Variants in TFEB observed in about 807,000 individuals in gnomAD.
TFEB encodes the protein transcription factor EB, also known as T-cell transcription factor EB.
A neutral mutation model predicts 48.0 loss-of-function variants in TFEB; 12 were observed. The observed-to-expected ratio is 0.25, with a 90% CI of 0.16 to 0.40. The LOEUF is 0.40. Ranked by LOEUF, TFEB falls within the 10% of genes least tolerant of loss-of-function variation. The pLI is 1.00. For synonymous variants in TFEB, 244 were observed against 261.4 expected (o/e 0.93, Z 0.64); for missense variants, 509 against 640.3 (o/e 0.79, Z 2.21).
chr6:41,713,892 C>T (rs1457121929), intron 1 of TFEB, among the ~76,000 whole-genome samples: 2 of 152,184 alleles, frequency 1.3e-5, no homozygotes, highest in African/African-American at 2.4e-5. Context: ...ACTGTGGCAG[C>T]CCAGCCCAGT....
chr6:41,697,788 T>C (rs1311023800), intron 1 of TFEB, among the ~76,000 whole-genome samples: 2 of 152,228 alleles, frequency 1.3e-5, no homozygotes, highest in Non-Finnish European at 2.9e-5. Context: ...TCCCTCCTGA[T>C]GGACTGCTAT....
chr6:41,687,264 G>T, intron 6 of TFEB, 95 bp from the exon 7 acceptor site: 1 of 1,109,022 alleles, frequency 9.0e-7, no homozygotes, highest in Non-Finnish European at 1.4e-6. Flanking sequence ...GTGCTTCAGG[G>T]CAGCCTGCAG....
chr6:41,726,010 G>A (rs1031828858), intron 1 of TFEB, among the ~76,000 whole-genome samples: 8 of 152,238 alleles, frequency 5.3e-5, no homozygotes, highest in African/African-American at 1.7e-4. Context: ...TTGGGAGGCC[G>A]AGGTAGGAGA....
At chr6:41,704,953 T>C (rs1770131462) in intron 1 of TFEB, among the ~76,000 whole-genome samples, 1 of 152,152 alleles carries the variant, frequency 6.6e-6, no homozygotes, top group Non-Finnish European at 1.5e-5. Flanking sequence ...TCCAGGTCTA[T>C]GGGGAAACAG....
In TFEB at chr6:41,735,542, C is replaced by T; in HGVS notation, c.-215G>A. 1.0e-6 allele frequency: 1 copy of T among 984,818 alleles called. No individual in the cohort carries two copies. Among genetic ancestry groups the T allele is most frequent in the Non-Finnish European group, 1.2e-6 (1 of 829,814 alleles). 61.0% of individuals were successfully genotyped at this position (984,818 alleles called of 1,614,324 possible). On this transcript the variant is annotated 5_prime_UTR_variant, in exon 1 of 9. Coordinates refer to ENST00000373033, the MANE Select transcript of TFEB (RefSeq NM_001271944.2). ...CGCCGCGGCCGCTCCCTGCGTCCCG[C>T]CCGGGCCGCCGCCTCCGCTGTCACC...
Position 41,684,941 on chromosome 6 carries a change from C to T in TFEB, c.1089G>A (p.Gly363=), listed in dbSNP as rs1256150461. 1.7e-5 allele frequency: 27 copies of T among 1,587,352 alleles called. 1 individual carries two copies. The highest frequency in any genetic ancestry group is 5.7e-5 in the South Asian group (5 of 87,454). Residue 363 remains glycine, a synonymous_variant, in exon 9 of 9, where the codon GGG becomes GGA. Coordinates refer to ENST00000373033, the MANE Select transcript of TFEB (RefSeq NM_001271944.2). The part of the protein sequence containing the change: ...EEGPGEALML[G]AEVPDPEPLP... ...GTGGCTCAGGGTCAGGGACCTCAGC[C>T]CCCAGCATCAGGGCCTCCCCTGGGC... is the stretch of plus-strand genomic sequence containing the variant.
intron 1 of TFEB, among the ~76,000 whole-genome samples, chr6:41,707,028 A>G (rs530345704): frequency 6.6e-6 from 1 of 151,974 alleles, no homozygotes; most frequent in Non-Finnish European, 1.5e-5. Context: ...TCTTCCACTC[A>G]TCTGGGCTCC....
In TFEB at chr6:41,685,954, C is replaced by A; in HGVS notation, c.951+136G>T. ...ATTGTTTGTTACCAAAGCAAAACAT[C>A]CTAACTGATACATCCTCCTTCCTAA... On this transcript the variant is annotated intron_variant, in intron 8 of 8. Transcript: ENST00000373033. 1.7e-6 allele frequency: 2 copies of A among 1,177,608 alleles called. 1 individual carries two copies. The highest frequency in any genetic ancestry group is 2.4e-6 in the Non-Finnish European group (2 of 822,940). The allele number at this position is 1,177,608 out of a possible 1,614,324, so 72.9% of individuals were successfully genotyped here.
chr6:41,702,804 C>T (rs2127457529), intron 1 of TFEB, among the ~76,000 whole-genome samples: 1 of 152,326 alleles, frequency 6.6e-6, no homozygotes, highest in East Asian at 1.9e-4. Context: ...CAGAGTGGGA[C>T]TGGAAGACCT....
intron 1 of TFEB, among the ~76,000 whole-genome samples, chr6:41,694,281 A>G (rs56390021): frequency 0.091 from 13,850 of 152,190 alleles, 1,126 homozygotes; most frequent in African/African-American, 0.21. Context: ...CCCTGCCAGA[A>G]TCTGGGTGAG....
chr6:41,684,461 CAG>C lies in TFEB; in HGVS notation c.*136_*137del. 2 of 1,155,540 alleles carry C rather than the reference CAG, an allele frequency of 1.7e-6. No homozygotes were observed. Among genetic ancestry groups the C allele is most frequent in the Non-Finnish European group, 2.3e-6 (2 of 873,466 alleles). The allele number at this position is 1,155,540 out of a possible 1,614,324, so 71.6% of individuals were successfully genotyped here. ...CTGCCAGACAGGCACTAAGTCCAAA[CAG>C]GGGCCAACGGGGAGGAGGGAGGCAG... On this transcript the variant is annotated 3_prime_UTR_variant, in exon 9 of 9. Transcript: ENST00000373033.
chr6:41,719,985 T>C (rs1272300260), intron 1 of TFEB, among the ~76,000 whole-genome samples: 1 of 152,192 alleles, frequency 6.6e-6, no homozygotes, highest in African/African-American at 2.4e-5. Context: ...TTTGCAAATA[T>C]ATAAAAGTGC....
intron 7 of TFEB, 102 bp from the exon 8 acceptor site, chr6:41,686,339 T>G: frequency 6.7e-7 from 1 of 1,488,692 alleles, no homozygotes; most frequent in African/African-American, 1.4e-5. Context: ...GTCCCAGTCT[T>G]ACCCAGCAAC....
chr6:41,736,189 G>C, upstream of TFEB: 1 of 1,612,886 alleles, frequency 6.2e-7, no homozygotes. Context: ...AATTGTCTGA[G>C]CTCCTTTCAT....
In TFEB at chr6:41,734,762, G is replaced by A. The variant is rs1765355911; in HGVS notation, c.-23+588C>T. The A allele has an allele frequency of 5.8e-6, 3 of 519,220 alleles. No individual in the cohort carries two copies. Among genetic ancestry groups the A allele is most frequent in the Non-Finnish European group, 5.0e-6 (2 of 403,462 alleles). 32.2% of individuals were successfully genotyped at this position (519,220 alleles called of 1,614,324 possible). A position where few individuals can be genotyped will look rare whatever the true frequency, so the allele number is the denominator to read the frequency against. On this transcript the variant is annotated intron_variant, in intron 1 of 8. Coordinates refer to ENST00000373033, the MANE Select transcript of TFEB (RefSeq NM_001271944.2). The surrounding 1 kb of genome is among the most constrained non-coding windows in gnomAD (Gnocchi z 4.0). The stretch of plus-strand genomic sequence containing the variant: ...GCTTCTTCAAGAGACCGAGCTGGAG[G>A]AAGGGACGGGAAGGGAGGGAGAGAT...
At chr6:41,696,927 T>G (rs1046478231) in intron 1 of TFEB, among the ~76,000 whole-genome samples, 1 of 152,102 alleles carries the variant, frequency 6.6e-6, no homozygotes, top group African/African-American at 2.4e-5. Context: ...CTAATTACCC[T>G]TGGGGGAGTG....
At position 41,687,079 on chromosome 6, in the gene TFEB, C is replaced by G. The variant is rs1487268552; in HGVS notation, c.803+15G>C. 2 of 1,613,958 alleles carry G rather than the reference C, an allele frequency of 1.2e-6. No individual in the cohort carries two copies. Among genetic ancestry groups the G allele is most frequent in the South Asian group, 2.2e-5 (2 of 91,062 alleles). On this transcript the variant is annotated intron_variant, in intron 7 of 8. Transcript: ENST00000373033. ...CACCCAGACCCATCACCCTCCCCCT[C>G]AGAAACCTGCTCACAGGTCATTGGC...
Position 41,723,856 on chromosome 6 carries a change from C to T in TFEB, c.-23+11494G>A, listed in dbSNP as rs1348706701. 1.5e-5 allele frequency: 7 copies of T among 482,222 alleles called. No homozygotes were observed. Among genetic ancestry groups the T allele is most frequent in the Non-Finnish European group, 2.5e-5 (6 of 241,738 alleles). The allele number at this position is 482,222 out of a possible 1,614,324, so 29.9% of individuals were successfully genotyped here. ...AGGGCCCTAGGCAGATGGAGAGACA[C>T]AGAGCAGCAAGAATTTCGCCAGAGT... On this transcript the variant is annotated intron_variant, in intron 1 of 8. Transcript: ENST00000373033. The surrounding 1 kb of genome is among the most constrained non-coding windows in gnomAD (Gnocchi z 6.0).
chr6:41,687,870 CG>C, intron 5 of TFEB, 37 bp downstream of exon 5: 6 of 1,609,134 alleles, frequency 3.7e-6, no homozygotes, highest in Non-Finnish European at 5.1e-6. Context: ...AGGGAGGAGT[CG>C]GGTATTCAAA....
Sources: allele counts gnomAD v4.1 joint callset (sites outside exome capture counted in the v4.1 genomes callset), GRCh38; gene constraint gnomAD v4.1.1; non-coding constraint Gnocchi (gnomAD v3.1); transcripts MANE v1.5; gene names NCBI Gene and HGNC (gene_info 2026-07-23, HGNC 2026-07-21).